GLRA2: variants seen among roughly 807,000 people sequenced by gnomAD.
GLRA2 encodes glycine receptor alpha 2, also known as glycine receptor subunit alpha-2.
GLRA2 carries 11 observed loss-of-function variants against 31.6 expected under a neutral mutation model. That is an observed-to-expected ratio of 0.35 (90% CI 0.22 to 0.58). The LOEUF (loss-of-function observed/expected upper bound fraction) is 0.58, where lower values mean the gene tolerates loss of function less well. GLRA2 is among the 20% of genes least tolerant of loss of function. The pLI is 0.84. For synonymous variants in GLRA2, 132 were observed against 134.0 expected (o/e 0.99, Z 0.10); for missense variants, 212 against 351.8 (o/e 0.60, Z 3.18).
intron 7 of GLRA2, among the ~76,000 whole-genome samples, chrX:14,662,397 G>C (rs2091000477): frequency 9.0e-6 from 1 of 111,451 alleles, no homozygotes; most frequent in African/African-American, 3.3e-5. Flanking sequence ...ATTAATTTCA[G>C]TATATATTAC....
chrX:14,633,517 A>G (rs2090675550), intron 7 of GLRA2, among the ~76,000 whole-genome samples: 1 of 111,872 alleles, frequency 8.9e-6, no homozygotes, highest in Admixed American at 9.5e-5. Context: ...AACAACAACA[A>G]CAAATGAATG....
the GLRA2 span, among the ~76,000 whole-genome samples, chrX:14,453,273 T>G: frequency 6.3e-5 from 7 of 111,546 alleles, no homozygotes; most frequent in Non-Finnish European, 1.3e-4. Context: ...TTGGGACATT[T>G]AGCAATGTGT....
chrX:14,527,813 AT>A (rs764258967), upstream of GLRA2, among the ~76,000 whole-genome samples: 2 of 111,183 alleles, frequency 1.8e-5, no homozygotes, highest in African/African-American at 6.5e-5. Flanking sequence ...GATTTTATAT[AT>A]TTTTTTGGGT....
At chrX:14,601,029 T>C (rs1186204006) in intron 4 of GLRA2, among the ~76,000 whole-genome samples, 1 of 110,791 alleles carries the variant, frequency 9.0e-6, no homozygotes, top group Non-Finnish European at 1.9e-5. Context: ...TTGTTTACTT[T>C]TTTTTGGTTC....
At chrX:14,672,682 G>T (rs1322088933) in intron 7 of GLRA2, among the ~76,000 whole-genome samples, 1 of 111,975 alleles carries the variant, frequency 8.9e-6, no homozygotes, top group Non-Finnish European at 1.9e-5. Flanking sequence ...CTAACAAAAA[G>T]TGAGATCAAC....
chrX:14,574,939 AT>A (rs2089933337), intron 3 of GLRA2, among the ~76,000 whole-genome samples: 1 of 110,759 alleles, frequency 9.0e-6, no homozygotes, highest in African/African-American at 3.3e-5. Context: ...ATGTAATGGA[AT>A]TTTTAAGATA....
chrX:14,489,121 T>C, the GLRA2 span, among the ~76,000 whole-genome samples: 57 of 112,479 alleles, frequency 5.1e-4, no homozygotes, highest in Non-Finnish European at 9.4e-4. Flanking sequence ...TTATGGTTAA[T>C]ATATGGTGGT....
the GLRA2 span, among the ~76,000 whole-genome samples, chrX:14,503,723 C>CT: frequency 7.2e-5 from 8 of 111,333 alleles, no homozygotes; most frequent in African/African-American, 2.6e-4. Context: ...TGCCACTGAA[C>CT]TTTAATACAA....
At chrX:14,684,472 T>C (rs1408383681) in intron 7 of GLRA2, among the ~76,000 whole-genome samples, 1 of 111,726 alleles carries the variant, frequency 9.0e-6, no homozygotes, top group African/African-American at 3.3e-5. Flanking sequence ...TTCCATTTGT[T>C]TGTGTCCTCT....
chrX:14,469,597 A>G, the GLRA2 span, among the ~76,000 whole-genome samples: 1 of 105,019 alleles, frequency 9.5e-6, no homozygotes, highest in African/African-American at 3.5e-5. Context: ...TCGCAAGAAC[A>G]AAAAACCAAA....
At position 14,688,098 on chromosome X, in the gene GLRA2, G is replaced by A. The variant is rs770099421; in HGVS notation, c.931-2612G>A. 3.7e-4 allele frequency among the ~76,000 whole-genome samples: 41 copies of A among 111,868 alleles called. No homozygotes were observed. In the South Asian group the frequency reaches 0.012, roughly 32 times the overall value. On this transcript the variant is annotated intron_variant, in intron 7 of 8. Coordinates refer to ENST00000218075, the MANE Select transcript of GLRA2 (RefSeq NM_002063.4). ...TCCTGTTTGCCTGGGTATCAGCAGC[G>A]GAGGCTGCAGAACAGTGAATGTTGC...
chrX:14,610,897 A>C (rs902714072), intron 7 of GLRA2, among the ~76,000 whole-genome samples: 19 of 112,541 alleles, frequency 1.7e-4, no homozygotes, highest in African/African-American at 6.1e-4. Context: ...ATAAATGTTC[A>C]CTGATCAGGG....
At chrX:14,500,120 T>C in the GLRA2 span, among the ~76,000 whole-genome samples, 1 of 112,262 alleles carries the variant, frequency 8.9e-6, no homozygotes, top group Non-Finnish European at 1.9e-5. Flanking sequence ...CAAAATATTT[T>C]TATCCAGACT....
At chrX:14,491,170 A>G in the GLRA2 span, among the ~76,000 whole-genome samples, 1 of 112,290 alleles carries the variant, frequency 8.9e-6, no homozygotes, top group South Asian at 3.7e-4. Context: ...ATTTTCAAAT[A>G]TTTTTTAAAC....
chrX:14,607,303 A>G, intron 6 of GLRA2, 35 bp downstream of exon 6: 3 of 1,096,757 alleles, frequency 2.7e-6, no homozygotes, highest in Non-Finnish European at 3.7e-6. Flanking sequence ...CAGCTGTTAA[A>G]CACAAGTGAG....
chrX:14,552,822 C>T (rs963918792), intron 2 of GLRA2, among the ~76,000 whole-genome samples: 2 of 111,851 alleles, frequency 1.8e-5, no homozygotes, highest in East Asian at 5.6e-4. Flanking sequence ...GTACAACACA[C>T]AAAATTAGAG....
At chrX:14,590,334 A>G (rs1322935515) in intron 4 of GLRA2, among the ~76,000 whole-genome samples, 1 of 111,172 alleles carries the variant, frequency 9.0e-6, no homozygotes, top group Non-Finnish European at 1.9e-5. Flanking sequence ...AGATTTCTAG[A>G]CAGACATCCA....
At chrX:14,699,964 C>T (rs1284449165) in intron 8 of GLRA2, among the ~76,000 whole-genome samples, 1 of 111,706 alleles carries the variant, frequency 9.0e-6, no homozygotes, top group Non-Finnish European at 1.9e-5. Context: ...ACAACACACA[C>T]TGGGGTCTTT....
At chrX:14,518,731 C>T in the GLRA2 span, among the ~76,000 whole-genome samples, 2 of 109,444 alleles carry the variant, frequency 1.8e-5, no homozygotes, top group Middle Eastern at 4.6e-3. Context: ...CATCAGGTGG[C>T]CAGGTGCGGT....
Sources: allele counts gnomAD v4.1 joint callset (sites outside exome capture counted in the v4.1 genomes callset), GRCh38; gene constraint gnomAD v4.1.1; transcripts MANE v1.5; gene names NCBI Gene and HGNC (gene_info 2026-07-23, HGNC 2026-07-21).